Variants in FMO2 observed in about 807,000 individuals in gnomAD.
FMO2 encodes the protein flavin-containing monooxygenase 2.
FMO2 carries 33 observed loss-of-function variants against 41.6 expected under a neutral mutation model. The ratio of observed to expected loss-of-function variants is 0.79; its 90% CI spans 0.60 to 1.06. The LOEUF (loss-of-function observed/expected upper bound fraction) is 1.06. Among genes scored for constraint, FMO2 ranks in the 50% least tolerant of loss-of-function variants. The pLI, the probability that FMO2 is intolerant of heterozygous loss-of-function variation, is 0.00. For synonymous variants in FMO2, 214 were observed against 219.6 expected, an observed-to-expected ratio of 0.97 and a Z score of 0.23; for missense variants, 619 against 632.9, an observed-to-expected ratio of 0.98 and a Z score of 0.23.
In FMO2 at chr1:171,205,563, T is replaced by C; in HGVS notation, c.1112T>C (p.Leu371Pro). The change falls in exon 7 of 9, where the codon CTC becomes CCC. Residue 371 changes from leucine to proline, a missense_variant. Coordinates refer to ENST00000209929, the MANE Select transcript of FMO2 (RefSeq NM_001460.5). ...LDKSTLACIGLIQPLGSIFPT... is the reference protein window; with the variant it reads ...LDKSTLACIGPIQPLGSIFPT... ...AAGTCAACCCTCGCGTGCATTGGTCTCATCCAGCCCCTAGGTTCCATTTTC... is the reference window on the plus strand; with the variant it reads ...AAGTCAACCCTCGCGTGCATTGGTCCCATCCAGCCCCTAGGTTCCATTTTC... 1 of 1,613,826 alleles carries C rather than the reference T, an allele frequency of 6.2e-7. No individual in the cohort carries two copies. Among genetic ancestry groups the C allele is most frequent in the Non-Finnish European group, 8.5e-7 (1 of 1,179,830 alleles).
intron 5 of FMO2, among the ~76,000 whole-genome samples, chr1:171,200,348 C>G (rs944199323): frequency 1.3e-5 from 2 of 152,138 alleles, no homozygotes; most frequent in Admixed American, 1.3e-4. Flanking sequence ...TAAACTCCTT[C>G]TGCAAGGACA....
chr1:171,208,974 G>A lies in FMO2; in HGVS notation c.1437G>A (p.Gly479=), dbSNP rs371513551. ...ATCAGTATCGCCTGGTTGGGCCTGG[G>A]CAATGGGAAGGAGCCAGAAATGCCA... ...NSYQYRLVGP[G]QWEGARNAIF... is the part of the protein sequence containing the mutation. The change falls in exon 9 of 9, where the codon GGG becomes GGA. Residue 479 remains glycine (G), a synonymous_variant. Coordinates refer to ENST00000209929, the MANE Select transcript of FMO2 (RefSeq NM_001460.5). 3.7e-6 allele frequency: 6 copies of A among 1,602,972 alleles called. No homozygotes were observed. The highest frequency in any genetic ancestry group is 5.1e-6 in the Non-Finnish European group (6 of 1,173,848).
chr1:171,201,347 C>CA (rs1359417500), intron 5 of FMO2, among the ~76,000 whole-genome samples: 8 of 152,128 alleles, frequency 5.3e-5, no homozygotes, highest in Non-Finnish European at 1.0e-4. Context: ...GGATTATACT[C>CA]ATTCATCTGC....
At chr1:171,189,373 T>G (rs1207439212) in intron 2 of FMO2, among the ~76,000 whole-genome samples, 2 of 151,920 alleles carry the variant, frequency 1.3e-5, no homozygotes, top group African/African-American at 4.8e-5. Context: ...CTTTCTCTCT[T>G]AAATTTGGCT....
chr1:171,205,711 G>A (rs1305399850), intron 7 of FMO2, 77 bp downstream of exon 7: 1 of 1,014,272 alleles, frequency 9.9e-7, no homozygotes. Context: ...AAGGTTGCCT[G>A]AGATAAAAAG....
intron 6 of FMO2, 36 bp from the exon 7 acceptor site, chr1:171,205,243 T>C (rs752471391): frequency 1.5e-6 from 2 of 1,350,710 alleles, no homozygotes; most frequent in Admixed American, 2.0e-5. Context: ...CCTCAGCAAA[T>C]GATCCTTCAG....
chr1:171,188,149 C>G (rs1406899111), intron 2 of FMO2, among the ~76,000 whole-genome samples: 1 of 151,740 alleles, frequency 6.6e-6, no homozygotes, highest in African/African-American at 2.4e-5. Context: ...CTCCCTCCCC[C>G]AGTATACCAA....
At position 171,203,789 on chromosome 1, in the gene FMO2, T is replaced by C. The variant is rs1295350362; in HGVS notation, c.628-76T>C. ...GTAAATTCTGGGGCTACACATGTGA[T>C]ACATGACCTTCATAGTAGATTCCTC... is the stretch of plus-strand genomic sequence containing the variant. On this transcript the variant is annotated intron_variant, in intron 5 of 8. Coordinates refer to ENST00000209929, the MANE Select transcript of FMO2 (RefSeq NM_001460.5). The C allele has an allele frequency of 4.7e-6, 6 of 1,267,596 alleles. No individual in the cohort carries two copies. The African/African-American group carries it at 8.8e-5, about 19-fold the overall frequency. 78.5% of individuals were successfully genotyped at this position (1,267,596 alleles called of 1,614,324 possible).
At chr1:171,198,410 AT>A (rs34908571) in intron 4 of FMO2, among the ~76,000 whole-genome samples, 23,952 of 144,874 alleles carry the variant, frequency 0.17, 2,256 homozygotes, top group East Asian at 0.42. Context: ...CTGATAAGTG[AT>A]TTTTTTTTTT....
At chr1:171,208,656 A>C in intron 8 of FMO2, 138 bp from the exon 9 acceptor site, 1 of 775,534 alleles carries the variant, frequency 1.3e-6, no homozygotes, top group Middle Eastern at 2.5e-4. Context: ...GATAAACTCA[A>C]ACTTTCCACC....
At chr1:171,198,140 A>G (rs1658374668) in intron 4 of FMO2, among the ~76,000 whole-genome samples, 1 of 152,208 alleles carries the variant, frequency 6.6e-6, no homozygotes, top group Non-Finnish European at 1.5e-5. Flanking sequence ...CCCACCGTCA[A>G]TGGCAAATAC....
In FMO2 at chr1:171,209,010, G is replaced by A. The variant is rs1658875481; in HGVS notation, c.1473G>A (p.Gln491=). The A allele has an allele frequency of 1.4e-5, 22 of 1,532,946 alleles. No homozygotes were observed. Among genetic ancestry groups the A allele is most frequent in the Non-Finnish European group, 2.0e-5 (22 of 1,116,956 alleles). The allele number at this position is 1,532,946 out of a possible 1,614,324, so 95.0% of individuals were successfully genotyped here. ...WEGARNAIFT[Q]KQRILKPLKT... is the part of the protein sequence containing the mutation. The stretch of plus-strand genomic sequence containing the variant: ...GAGCCAGAAATGCCATCTTCACCCA[G>A]AAACAAAGAATACTGAAGCCACTCA... The change falls in exon 9 of 9, where the codon CAG becomes CAA. Residue 491 remains glutamine (Q), a synonymous_variant. Coordinates refer to ENST00000209929, the MANE Select transcript of FMO2 (RefSeq NM_001460.5).
In FMO2 at chr1:171,205,395, AT is replaced by A; in HGVS notation, c.945del (p.Asp315GlufsTer31). The stretch of plus-strand genomic sequence containing the variant: ...ACAGAAACTTCTGCCATCTTTGAGG[AT>A]GGAACAGTGGAGGAGAACATTGATG... Reference protein sequence around the residue: ...ELTETSAIFEDGTVEENIDVI... With the variant: ...ELTETSAIFEXGTVEENIDVI... On this transcript the variant is annotated frameshift_variant, in exon 7 of 9. Transcript: ENST00000209929. LOFTEE classifies it high-confidence loss of function. 6.2e-7 allele frequency: 1 copy of A among 1,613,874 alleles called. No individual in the cohort carries two copies. The highest frequency in any genetic ancestry group is 1.3e-5 in the African/African-American group (1 of 75,038).
intron 1 of FMO2, 150 bp from the exon 2 acceptor site, chr1:171,185,558 G>C (rs769427859): frequency 1.4e-6 from 1 of 706,646 alleles, no homozygotes; most frequent in Non-Finnish European, 2.3e-6. Flanking sequence ...CAAGAAGAGA[G>C]CAGGATTTTT....
At chr1:171,195,962 T>G (rs1440613466) in intron 3 of FMO2, among the ~76,000 whole-genome samples, 3 of 152,242 alleles carry the variant, frequency 2.0e-5, no homozygotes, top group African/African-American at 7.2e-5. Flanking sequence ...TGAAATATCT[T>G]CTCTAATACA....
chr1:171,204,358 C>T (rs555605114), intron 6 of FMO2, among the ~76,000 whole-genome samples: 30 of 152,246 alleles, frequency 2.0e-4, no homozygotes, highest in African/African-American at 5.3e-4. Context: ...CAAGAGATTA[C>T]GACCTGCCTT....
At position 171,209,530 on chromosome 1, in the gene FMO2, A is replaced by C. The variant is rs1658899187; in HGVS notation, c.*385A>C. The C allele has an allele frequency of 6.4e-6, 1 of 157,440 alleles. No individual in the cohort carries two copies. Among genetic ancestry groups the C allele is most frequent in the Non-Finnish European group, 1.4e-5 (1 of 71,800 alleles). 9.8% of individuals were successfully genotyped at this position (157,440 alleles called of 1,614,324 possible). A position where few individuals can be genotyped will look rare whatever the true frequency, so the allele number is the denominator to read the frequency against. On this transcript the variant is annotated 3_prime_UTR_variant, in exon 9 of 9. Transcript: ENST00000209929. ...ATTTAAATTGTGGGTAAATATTTAA[A>C]ACTCCTGAACAATGTTTCTGATGGT... is the stretch of plus-strand genomic sequence containing the variant.
chr1:171,207,463 G>A (rs1452501670), intron 7 of FMO2: 1 of 360,336 alleles, frequency 2.8e-6, no homozygotes, highest in Non-Finnish European at 4.9e-6. Flanking sequence ...TGGCTGCCAG[G>A]CTCCCAGACA....
intron 2 of FMO2, 30 bp from the exon 3 acceptor site, chr1:171,193,305 T>G (rs1357600843): frequency 5.2e-6 from 8 of 1,545,928 alleles, no homozygotes; most frequent in Non-Finnish European, 7.0e-6. Context: ...AATGCGTAAT[T>G]ATCACTAATT....
Sources: gnomAD v4.1 joint callset for allele counts (sites outside exome capture counted in the v4.1 genomes callset) on GRCh38, gnomAD v4.1.1 for gene constraint, MANE v1.5 for transcripts, NCBI Gene and HGNC (gene_info 2026-07-23, HGNC 2026-07-21) for gene names.